Variants in ABL1 observed in about 807,000 individuals in gnomAD.
ABL1 encodes the protein ABL proto-oncogene 1, non-receptor tyrosine kinase.
A neutral mutation model predicts 94.7 loss-of-function variants in ABL1; 11 were observed. The observed-to-expected ratio is 0.12, with a 90% CI of 0.07 to 0.19. The LOEUF (loss-of-function observed/expected upper bound fraction) is 0.19, where lower values mean the gene tolerates loss of function less well. ABL1 is among the 10% of genes least tolerant of loss of function. The pLI is 1.00. For synonymous variants in ABL1, 656 were observed against 622.4 expected, an observed-to-expected ratio of 1.05 and a Z score of -0.80; for missense variants, 1,082 against 1,489.4, an observed-to-expected ratio of 0.73 and a Z score of 4.50.
At chr9:130,725,835 T>TGTTTG (rs1554756999) in intron 1 of ABL1, among the ~76,000 whole-genome samples, 1,032 of 75,958 alleles carry the variant, frequency 0.014, 34 homozygotes, top group African/African-American at 0.065. Flanking sequence ...TTTTTTTTTT[T>TGTTTG]TTTTTTTTTT....
At chr9:130,742,209 A>T (rs1189248699) in intron 1 of ABL1, among the ~76,000 whole-genome samples, 1 of 152,158 alleles carries the variant, frequency 6.6e-6, no homozygotes, top group Non-Finnish European at 1.5e-5. Context: ...TGTGTGCCCT[A>T]ACTGTGGTGG....
intron 1 of ABL1, among the ~76,000 whole-genome samples, chr9:130,750,418 TCCC>T (rs748651058): frequency 0.41 from 25,647 of 62,600 alleles, 4,775 homozygotes; most frequent in Middle Eastern, 0.61. Context: ...CCTCCCTCCC[TCCC>T]TCCCTCCCTC....
At chr9:130,811,887 G>A (rs1830211440) in intron 1 of ABL1, among the ~76,000 whole-genome samples, 1 of 121,618 alleles carries the variant, frequency 8.2e-6, no homozygotes, top group Admixed American at 1.0e-4. Flanking sequence ...ACTGTAGTCT[G>A]AGCGACAGAG....
Position 130,740,551 on chromosome 9 carries a change from A to G in ABL1, c.136+26096A>G, listed in dbSNP as rs148239580. On this transcript the variant is annotated intron_variant, in intron 1 of 10. Transcript: ENST00000372348. ...GTGGTACTATGCCACAGCAGGTGTT[A>G]TTATCTCACCACCTTATTCTATTAG... Among the ~76,000 whole-genome samples, 573 of 152,314 alleles carry G rather than the reference A, an allele frequency of 3.8e-3. 5 individuals carry two copies. Among genetic ancestry groups the G allele is most frequent in the African/African-American group, 0.013 (543 of 41,560 alleles).
intron 8 of ABL1, among the ~76,000 whole-genome samples, chr9:130,879,314 C>T (rs11244175): frequency 6.6e-6 from 1 of 152,162 alleles, no homozygotes; most frequent in African/African-American, 2.4e-5. Context: ...ACATGTCTTT[C>T]CACGTCCATA....
At position 130,885,364 on chromosome 9, in the gene ABL1, G is replaced by T. The variant is rs1458238928; in HGVS notation, c.3074G>T (p.Gly1025Val). Residue 1025 changes from glycine (G) to valine (V), a missense_variant, in exon 11 of 11, where the codon GGC becomes GTC. Physicochemically the swap from Gly to Val is moderately radical, Grantham distance 109. Transcript: ENST00000318560. ...CAGCCTCCAGAGCGGATCGCCAGCGGCGCCATCACCAAGGGCGTGGTCCTG... is the reference window on the plus strand; with the variant it reads ...CAGCCTCCAGAGCGGATCGCCAGCGTCGCCATCACCAAGGGCGTGGTCCTG... ...TRQPPERIAS[G>V]AITKGVVLDS... 2 of 1,613,644 alleles carry T rather than the reference G, an allele frequency of 1.2e-6. No individual in the cohort carries two copies. Among genetic ancestry groups the T allele is most frequent in the Admixed American group, 1.7e-5 (1 of 60,028 alleles).
chr9:130,825,159 G>A (rs1588254211), intron 1 of ABL1, among the ~76,000 whole-genome samples: 2 of 152,140 alleles, frequency 1.3e-5, no homozygotes, highest in African/African-American at 4.8e-5. Context: ...TACTTTTATA[G>A]CCAATTCCAA....
At chr9:130,824,187 A>G (rs892555105) in intron 1 of ABL1, among the ~76,000 whole-genome samples, 18 of 152,182 alleles carry the variant, frequency 1.2e-4, no homozygotes, top group African/African-American at 3.6e-4. Flanking sequence ...GCTCTCTGCC[A>G]GATGGAGACC....
intron 1 of ABL1, among the ~76,000 whole-genome samples, chr9:130,714,790 C>G (rs572901483): frequency 7.2e-5 from 11 of 152,304 alleles, no homozygotes; most frequent in Admixed American, 1.3e-4. Context: ...TTCTATGATT[C>G]TGCTCTAACC....
At chr9:130,845,164 G>C (rs753000280) in intron 1 of ABL1, among the ~76,000 whole-genome samples, 1 of 152,138 alleles carries the variant, frequency 6.6e-6, no homozygotes, top group South Asian at 2.1e-4. Flanking sequence ...AGCCATTATA[G>C]GCAGTAGATT....
In ABL1 at chr9:130,835,545, G is replaced by T. The variant is rs978342260; in HGVS notation, c.79+20G>T. 1.9e-6 allele frequency: 3 copies of T among 1,544,178 alleles called. No individual in the cohort carries two copies. The highest frequency in any genetic ancestry group is 2.7e-5 in the African/African-American group (2 of 73,230). ...TGGAAGGTAAGCCCGGGCCGCACGG[G>T]TTGGGCTGAGTAGCCGCGCGCCCTC... On this transcript the variant is annotated intron_variant, in intron 1 of 10. Transcript: ENST00000318560. The surrounding 1 kb of genome is among the most constrained non-coding windows in gnomAD (Gnocchi z 4.6).
chr9:130,826,962 C>G (rs2132886788), intron 1 of ABL1, among the ~76,000 whole-genome samples: 1 of 152,252 alleles, frequency 6.6e-6, no homozygotes, highest in South Asian at 2.1e-4. Context: ...CCTGTAGTCC[C>G]AGCTACTCAG....
chr9:130,859,066 C>G (rs1564314100), intron 3 of ABL1, among the ~76,000 whole-genome samples: 1 of 152,176 alleles, frequency 6.6e-6, no homozygotes, highest in South Asian at 2.1e-4. Flanking sequence ...GGGGATTTGA[C>G]TGTCATTGTT....
chr9:130,868,008 G>A (rs1192098104), intron 4 of ABL1, among the ~76,000 whole-genome samples: 2 of 151,398 alleles, frequency 1.3e-5, no homozygotes, highest in Non-Finnish European at 2.9e-5. Context: ...CACCCAGGCT[G>A]GAGTACAGTG....
At chr9:130,793,951 G>T (rs6597640) in intron 1 of ABL1, among the ~76,000 whole-genome samples, 42,646 of 152,028 alleles carry the variant, frequency 0.28, 8,806 homozygotes, top group African/African-American at 0.59. Context: ...TAATGCCTGA[G>T]GATCTCTCAT....
At chr9:130,829,497 G>A (rs775117013) in intron 1 of ABL1, among the ~76,000 whole-genome samples, 13 of 151,588 alleles carry the variant, frequency 8.6e-5, no homozygotes, top group South Asian at 2.1e-4. Flanking sequence ...CCCGGGAGGC[G>A]GAGCTTGCAG....
chr9:130,719,198 A>C (rs1354095409), intron 1 of ABL1, among the ~76,000 whole-genome samples: 1 of 152,058 alleles, frequency 6.6e-6, no homozygotes, highest in Non-Finnish European at 1.5e-5. Flanking sequence ...TTTTTACAAC[A>C]AACTTGGGTT....
intron 1 of ABL1, among the ~76,000 whole-genome samples, chr9:130,818,307 TA>T (rs1830315823): frequency 6.6e-6 from 1 of 152,106 alleles, no homozygotes; most frequent in African/African-American, 2.4e-5. Flanking sequence ...CTGTCTCTAC[TA>T]AAAATATAAA....
chr9:130,773,773 G>A (rs1159783717), intron 1 of ABL1, among the ~76,000 whole-genome samples: 1 of 151,626 alleles, frequency 6.6e-6, no homozygotes, highest in Non-Finnish European at 1.5e-5. Flanking sequence ...GAGCCATTGT[G>A]CCCGGCTCCC....
Sources: gnomAD v4.1 joint callset for allele counts (sites outside exome capture counted in the v4.1 genomes callset) on GRCh38, gnomAD v4.1.1 for gene constraint, Gnocchi (gnomAD v3.1) non-coding constraint, MANE v1.5 for transcripts, NCBI Gene and HGNC (gene_info 2026-07-23, HGNC 2026-07-21) for gene names.